ERFL: variants seen among roughly 807,000 people sequenced by gnomAD.
ERFL encodes the protein ETS domain-containing transcription factor ERF-like.
Under a neutral mutation model 27.9 loss-of-function variants are expected in ERFL, and 8 were observed. The ratio of observed to expected loss-of-function variants is 0.29; its 90% CI spans 0.17 to 0.52. The LOEUF (loss-of-function observed/expected upper bound fraction) is 0.52. Among genes scored for constraint, ERFL ranks in the 20% least tolerant of loss-of-function variants. The probability of loss-of-function intolerance (pLI) is 0.97; values close to 1 mark genes in which losing one functional copy is unlikely to be tolerated. For missense variants in ERFL, 294 were observed against 444.4 expected, an observed-to-expected ratio of 0.66 and a Z score of 3.04; for synonymous variants, 174 against 202.8, an observed-to-expected ratio of 0.86 and a Z score of 1.21.
At chr19:41,914,074 C>T (rs557490983) in intron 1 of ERFL, among the ~76,000 whole-genome samples, 1,104 of 2,326 alleles carry the variant, frequency 0.47, 10 homozygotes, top group Middle Eastern at 0.5. Context: ...CCGTGAGCCC[C>T]GCCTACCCCT....
At position 41,908,076 on chromosome 19, in the gene ERFL, C is replaced by CA; in HGVS notation, c.*151_*152insT. On this transcript the variant is annotated 3_prime_UTR_variant, in exon 6 of 6. Transcript: ENST00000597630. The surrounding 1 kb of genome is among the most constrained non-coding windows in gnomAD (Gnocchi z 6.7). The stretch of plus-strand genomic sequence containing the variant: ...TGTGGAGGGGGAAGTGAGACCCCCC[C>CA]CACTCTGGGGCTGGGGAAGGAGACT... 1.9e-6 allele frequency: 1 copy of CA among 518,414 alleles called. No individual in the cohort carries two copies. Among genetic ancestry groups the CA allele is most frequent in the African/African-American group, 2.0e-5 (1 of 50,474 alleles). The allele number at this position is 518,414 out of a possible 1,614,324, so 32.1% of individuals were successfully genotyped here.
At chr19:41,920,156 A>G (rs1421658630) in intron 1 of ERFL, among the ~76,000 whole-genome samples, 6 of 122,748 alleles carry the variant, frequency 4.9e-5, no homozygotes, top group Admixed American at 8.2e-5. Flanking sequence ...ACACGCCCAG[A>G]CATGATGCAC....
chr19:41,914,049 C>T (rs1270867613), intron 1 of ERFL, among the ~76,000 whole-genome samples: 1 of 139,604 alleles, frequency 7.2e-6, no homozygotes, highest in African/African-American at 2.8e-5. Flanking sequence ...CCCTGGCAGC[C>T]CACACTGTGT....
At chr19:41,915,039 C>T (rs1555851816) in intron 1 of ERFL, among the ~76,000 whole-genome samples, 1 of 107,342 alleles carries the variant, frequency 9.3e-6, no homozygotes, top group Non-Finnish European at 1.9e-5. Flanking sequence ...CGCGTCTCTC[C>T]AGCAGCCCCG....
chr19:41,917,422 G>C lies in ERFL; in HGVS notation c.-13-4490C>G, dbSNP rs2074808117. Among the ~76,000 whole-genome samples the C allele has an allele frequency of 6.6e-6, 1 of 151,840 alleles. No individual in the cohort carries two copies. The highest frequency in any genetic ancestry group is 1.5e-5 in the Non-Finnish European group (1 of 67,954). On this transcript the variant is annotated intron_variant, in intron 1 of 5. Coordinates refer to ENST00000597630, the MANE Select transcript of ERFL (RefSeq NM_001365103.2). This position sits in a 1 kb window ranked among gnomAD's most constrained non-coding sequence, Gnocchi z 4.8. ...CTCTAAGCTGCGCCGGCCGCCTCGG[G>C]AGCCGCCTCGGGCCTCGCACCCCCA... is the stretch of plus-strand genomic sequence containing the variant.
rs1379440225 is a variant in ERFL, at chr19:41,908,884, C to A, written c.616+176G>T. Among the ~76,000 whole-genome samples, 1 of 151,684 alleles carries A rather than the reference C, an allele frequency of 6.6e-6. No individual in the cohort carries two copies. Among genetic ancestry groups the A allele is most frequent in the African/African-American group, 2.4e-5 (1 of 41,250 alleles). On this transcript the variant is annotated intron_variant, in intron 5 of 5. Transcript: ENST00000597630. This position sits in a 1 kb window ranked among gnomAD's most constrained non-coding sequence, Gnocchi z 6.7. ...TAGGCACCCCTGAAAGCCCCTGTCT[C>A]CCTCATTTCCCCTCCCTCACATCAC...
chr19:41,925,709 A>G (rs2074867444), intron 1 of ERFL, among the ~76,000 whole-genome samples: 1 of 152,092 alleles, frequency 6.6e-6, no homozygotes, highest in Admixed American at 6.6e-5. Context: ...AGTAGGAAAG[A>G]CAGGTACGGG....
intron 2 of ERFL, among the ~76,000 whole-genome samples, chr19:41,912,413 G>A (rs1022053763): frequency 4.6e-5 from 7 of 152,154 alleles, no homozygotes; most frequent in East Asian, 1.9e-4. Context: ...CCTGGGTCTC[G>A]GTCTGGCCGG....
In ERFL at chr19:41,910,184, A is replaced by T. The variant is rs2074744275; in HGVS notation, c.68-87T>A. 1 of 1,293,796 alleles carries T rather than the reference A, an allele frequency of 7.7e-7. No individual in the cohort carries two copies. The highest frequency in any genetic ancestry group is 1.5e-5 in the South Asian group (1 of 68,762). The allele number at this position is 1,293,796 out of a possible 1,614,324, so 80.1% of individuals were successfully genotyped here. ...TGCTGGACTCAGTAACCTGGGAGGC[A>T]TGTAGTTCTCCTCCAGTCTCAGGCA... On this transcript the variant is annotated intron_variant, in intron 2 of 5. Coordinates refer to ENST00000597630, the MANE Select transcript of ERFL (RefSeq NM_001365103.2). This position sits in a 1 kb window ranked among gnomAD's most constrained non-coding sequence, Gnocchi z 4.4.
Position 41,917,399 on chromosome 19 carries a change from C to T in ERFL, c.-13-4467G>A, listed in dbSNP as rs1334236108. ...GGTTTAACCAGTTGTTTTGATTTCT[C>T]TAAGCTGCGCCGGCCGCCTCGGGAG... On this transcript the variant is annotated intron_variant, in intron 1 of 5. Transcript: ENST00000597630. The surrounding 1 kb of genome is among the most constrained non-coding windows in gnomAD (Gnocchi z 4.8). Among the ~76,000 whole-genome samples the T allele has an allele frequency of 6.6e-6, 1 of 152,036 alleles. No homozygotes were observed. Among genetic ancestry groups the T allele is most frequent in the Middle Eastern group, 3.2e-3 (1 of 316 alleles).
In ERFL at chr19:41,908,454, G is replaced by A. The variant is rs781811549; in HGVS notation, c.839C>T (p.Ser280Leu). The A allele has an allele frequency of 5.4e-4, 659 of 1,231,376 alleles. No individual in the cohort carries two copies. The highest frequency in any genetic ancestry group is 6.5e-4 in the Non-Finnish European group (641 of 987,766). 76.3% of individuals were successfully genotyped at this position (1,231,376 alleles called of 1,614,324 possible). A position where few individuals can be genotyped will look rare whatever the true frequency, so the allele number is the denominator to read the frequency against. ...GGPTATPLLA[S>L]TGEGLGPERP... ...CTCGGGGCCCAGGCCCTCCCCTGTC[G>A]AGGCCAGCAGGGGCGTGGCTGTGGG... The change falls in exon 6 of 6, where the codon TCG becomes TTG. Residue 280 changes from serine (S) to leucine (L), a missense_variant. Transcript: ENST00000597630. The surrounding 1 kb of genome is among the most constrained non-coding windows in gnomAD (Gnocchi z 6.7).
intron 1 of ERFL, among the ~76,000 whole-genome samples, chr19:41,924,800 G>A (rs1462385478): frequency 2.0e-5 from 3 of 152,168 alleles, no homozygotes; most frequent in African/African-American, 7.2e-5. Flanking sequence ...GAGAGAGCTG[G>A]TCAGAGACAC....
intron 1 of ERFL, among the ~76,000 whole-genome samples, chr19:41,915,742 G>A (rs1278005009): frequency 1.3e-5 from 2 of 151,958 alleles, no homozygotes; most frequent in African/African-American, 2.4e-5. Context: ...TCCGTCTCTT[G>A]GGGTCCCTTT....
chr19:41,914,709 CATCTCT>C (rs1444470663), intron 1 of ERFL, among the ~76,000 whole-genome samples: 2 of 15,602 alleles, frequency 1.3e-4, no homozygotes, highest in South Asian at 4.3e-3. Flanking sequence ...CCCCTTCCAC[CATCTCT>C]GTCTCTCCCT....
chr19:41,912,768 T>C, intron 2 of ERFL, 85 bp downstream of exon 2: 1 of 405,376 alleles, frequency 2.5e-6, no homozygotes, highest in Non-Finnish European at 3.8e-6. Context: ...GTGAGACACG[T>C]GGAGACACGG....
intron 1 of ERFL, among the ~76,000 whole-genome samples, chr19:41,919,413 A>G (rs1016935185): frequency 2.6e-5 from 4 of 152,290 alleles, no homozygotes; most frequent in Admixed American, 2.6e-4. Context: ...AGTGCTCTTT[A>G]GGGCTGGACA....
In ERFL at chr19:41,921,763, G is replaced by A. The variant is rs1463457686; in HGVS notation, c.-14+6277C>T. Among the ~76,000 whole-genome samples the A allele has an allele frequency of 5.9e-5, 9 of 151,780 alleles. No individual in the cohort carries two copies. The highest frequency in any genetic ancestry group is 1.7e-4 in the African/African-American group (7 of 41,336). On this transcript the variant is annotated intron_variant, in intron 1 of 5. Coordinates refer to ENST00000597630, the MANE Select transcript of ERFL (RefSeq NM_001365103.2). The surrounding 1 kb of genome is among the most constrained non-coding windows in gnomAD (Gnocchi z 4.4). ...AAGGCTCAGGTGTAGGCCGGGTGGCGGGCAGACCTAAGGTGTGGATTCCTC... is the reference window on the plus strand; with the variant it reads ...AAGGCTCAGGTGTAGGCCGGGTGGCAGGCAGACCTAAGGTGTGGATTCCTC...
At position 41,917,588 on chromosome 19, in the gene ERFL, G is replaced by A. The variant is rs1427256031; in HGVS notation, c.-13-4656C>T. 3.3e-5 allele frequency among the ~76,000 whole-genome samples: 5 copies of A among 151,432 alleles called. No individual in the cohort carries two copies. Among genetic ancestry groups the A allele is most frequent in the Admixed American group, 6.6e-5 (1 of 15,218 alleles). ...CTCTGTCTAAAGAGGAGAGAGACGCGGCCTAAGACCCTTCTGCCACCGCCG... is the reference window on the plus strand; with the variant it reads ...CTCTGTCTAAAGAGGAGAGAGACGCAGCCTAAGACCCTTCTGCCACCGCCG... On this transcript the variant is annotated intron_variant, in intron 1 of 5. Coordinates refer to ENST00000597630, the MANE Select transcript of ERFL (RefSeq NM_001365103.2). The surrounding 1 kb of genome is among the most constrained non-coding windows in gnomAD (Gnocchi z 4.8).
chr19:41,914,555 CT>C (rs1379696082), intron 1 of ERFL, among the ~76,000 whole-genome samples: 3 of 100,874 alleles, frequency 3.0e-5, no homozygotes, highest in African/African-American at 1.4e-4. Flanking sequence ...TTTCCCTCCC[CT>C]TCCACCATCT....
Sources: allele counts gnomAD v4.1 joint callset (sites outside exome capture counted in the v4.1 genomes callset), GRCh38; gene constraint gnomAD v4.1.1; non-coding constraint Gnocchi (gnomAD v3.1); transcripts MANE v1.5; gene names NCBI Gene and HGNC (gene_info 2026-07-23, HGNC 2026-07-21).